RAPGEF4: variants seen among roughly 807,000 people sequenced by gnomAD.
The protein encoded by RAPGEF4 is Rap guanine nucleotide exchange factor 4, also known as RAP guanine-nucleotide-exchange factor (GEF) 4.
A neutral mutation model predicts 147.9 loss-of-function variants in RAPGEF4; 66 were observed. That is an observed-to-expected ratio of 0.45 (90% CI 0.37 to 0.55). The LOEUF is 0.55. RAPGEF4 is among the 20% of genes least tolerant of loss of function. RAPGEF4 has a pLI of 0.00. For synonymous variants in RAPGEF4, 419 were observed against 442.7 expected, an observed-to-expected ratio of 0.95 and a Z score of 0.67; for missense variants, 1,071 against 1,257.3, an observed-to-expected ratio of 0.85 and a Z score of 2.24.
chr2:172,984,803 T>C (rs921324973), intron 11 of RAPGEF4, among the ~76,000 whole-genome samples: 4 of 152,122 alleles, frequency 2.6e-5, no homozygotes, highest in Non-Finnish European at 4.4e-5. Flanking sequence ...TTGAGAGGAT[T>C]GTGGGTAGTC....
At chr2:172,741,852 T>C (rs1451769749) in intron 1 of RAPGEF4, among the ~76,000 whole-genome samples, 1 of 152,118 alleles carries the variant, frequency 6.6e-6, no homozygotes, top group Admixed American at 6.5e-5. Context: ...TAAAAATTTT[T>C]TGTAGAGATG....
intron 26 of RAPGEF4, among the ~76,000 whole-genome samples, 198 bp downstream of exon 26, chr2:173,030,452 A>G (rs1329934535): frequency 2.6e-5 from 4 of 152,202 alleles, no homozygotes; most frequent in Admixed American, 1.3e-4. Context: ...CCTTTTGTGT[A>G]TGGAGAGTGG....
chr2:172,904,233 C>T (rs1699382451), intron 4 of RAPGEF4, among the ~76,000 whole-genome samples: 2 of 152,080 alleles, frequency 1.3e-5, no homozygotes, highest in Admixed American at 1.3e-4. Flanking sequence ...ATTCATCACC[C>T]CTTGAAGACT....
chr2:173,032,556 T>C (rs776391447), intron 26 of RAPGEF4, among the ~76,000 whole-genome samples: 9 of 152,208 alleles, frequency 5.9e-5, no homozygotes, highest in Non-Finnish European at 8.8e-5. Context: ...GTCAATGTTT[T>C]TGCATAACTT....
Position 173,018,744 on chromosome 2 carries a change from T to G in RAPGEF4, c.2097T>G (p.Val699=), listed in dbSNP as rs1193183462. 1.2e-6 allele frequency: 2 copies of G among 1,614,112 alleles called. No individual in the cohort carries two copies. Among genetic ancestry groups the G allele is most frequent in the Non-Finnish European group, 1.7e-6 (2 of 1,180,010 alleles). Residue 699 remains valine (V), a synonymous_variant, in exon 22 of 31, where the codon GTT becomes GTG. Transcript: ENST00000397081. ...CGGTGAAGGAAGTCATCAGTGCAGT[T>G]GCCGACAAGCTGGGCTCCGGGGAGG... The part of the protein sequence containing the change: ...ATSVKEVISA[V]ADKLGSGEGL...
chr2:172,905,316 T>C (rs1264980131), intron 4 of RAPGEF4, among the ~76,000 whole-genome samples: 1 of 152,012 alleles, frequency 6.6e-6, no homozygotes, highest in East Asian at 1.9e-4. Flanking sequence ...CTGGGAGGGG[T>C]CCACCATAAC....
chr2:172,846,719 T>C (rs1362739248), intron 4 of RAPGEF4, among the ~76,000 whole-genome samples: 2 of 152,198 alleles, frequency 1.3e-5, no homozygotes, highest in Non-Finnish European at 2.9e-5. Flanking sequence ...TCCGCTTTAC[T>C]GTAGGAGACA....
chr2:172,895,260 G>T (rs1313329548), intron 4 of RAPGEF4, among the ~76,000 whole-genome samples: 2 of 152,130 alleles, frequency 1.3e-5, no homozygotes, highest in Non-Finnish European at 2.9e-5. Flanking sequence ...TTTTTTGAAA[G>T]GCATGTGGCA....
intron 16 of RAPGEF4, among the ~76,000 whole-genome samples, chr2:172,997,322 T>A (rs1280990447): frequency 1.3e-5 from 2 of 152,188 alleles, no homozygotes; most frequent in South Asian, 2.1e-4. Flanking sequence ...GGTTACCCCT[T>A]TTTATAAGGA....
In RAPGEF4 at chr2:173,018,814, A is replaced by G. The variant is rs1695750011; in HGVS notation, c.2155+12A>G. 12 of 1,611,852 alleles carry G rather than the reference A, an allele frequency of 7.4e-6. No homozygotes were observed. Among genetic ancestry groups the G allele is most frequent in the Non-Finnish European group, 1.0e-5 (12 of 1,179,086 alleles). On this transcript the variant is annotated intron_variant, in intron 22 of 30. Coordinates refer to ENST00000397081, the MANE Select transcript of RAPGEF4 (RefSeq NM_007023.4). Reference sequence around the variant, plus strand: ...GAGTTCCGGAGGAGGTAACAGTCTTAATTCATATTTTAGGCTCTGCAAAAT... The same window carrying G: ...GAGTTCCGGAGGAGGTAACAGTCTTGATTCATATTTTAGGCTCTGCAAAAT...
intron 6 of RAPGEF4, among the ~76,000 whole-genome samples, chr2:172,955,692 A>G (rs969663195): frequency 1.3e-5 from 2 of 152,220 alleles, no homozygotes; most frequent in Non-Finnish European, 2.9e-5. Flanking sequence ...AGGGCCAAAC[A>G]TGGGGCTCTA....
At chr2:172,905,932 G>T (rs1428148064) in intron 4 of RAPGEF4, among the ~76,000 whole-genome samples, 1 of 152,158 alleles carries the variant, frequency 6.6e-6, no homozygotes, top group Non-Finnish European at 1.5e-5. Flanking sequence ...GATCTATTGT[G>T]GGAAAGGCAG....
intron 4 of RAPGEF4, among the ~76,000 whole-genome samples, chr2:172,909,185 A>G (rs902894688): frequency 6.6e-6 from 1 of 152,150 alleles, no homozygotes; most frequent in African/African-American, 2.4e-5. Context: ...GCCTTGTAGA[A>G]GCTTCTCTGG....
At chr2:173,022,649 A>G (rs940068583) in intron 23 of RAPGEF4, among the ~76,000 whole-genome samples, 3 of 152,132 alleles carry the variant, frequency 2.0e-5, no homozygotes, top group Non-Finnish European at 4.4e-5. Context: ...ACACTAAACC[A>G]AGTGCCCCAG....
intron 23 of RAPGEF4, among the ~76,000 whole-genome samples, chr2:173,023,974 C>CT (rs983577878): frequency 5.3e-5 from 8 of 152,198 alleles, no homozygotes; most frequent in African/African-American, 7.2e-5. Context: ...GCTTCCCCAA[C>CT]TTTTTTTACC....
At chr2:172,758,162 TG>T (rs1168363518) in intron 1 of RAPGEF4, among the ~76,000 whole-genome samples, 1 of 152,052 alleles carries the variant, frequency 6.6e-6, no homozygotes, top group Non-Finnish European at 1.5e-5. Context: ...ACCAAGCATA[TG>T]TTTAGGATAA....
intron 4 of RAPGEF4, among the ~76,000 whole-genome samples, chr2:172,908,048 A>G (rs1699786475): frequency 6.6e-6 from 1 of 152,202 alleles, no homozygotes; most frequent in African/African-American, 2.4e-5. Flanking sequence ...AAATGTCTGC[A>G]CACTTTCCGT....
intron 4 of RAPGEF4, among the ~76,000 whole-genome samples, chr2:172,874,062 G>T (rs1437179264): frequency 6.6e-6 from 1 of 152,170 alleles, no homozygotes; most frequent in African/African-American, 2.4e-5. Flanking sequence ...ATGCTGGAGA[G>T]GATGTGGAGA....
At position 172,990,849 on chromosome 2, in the gene RAPGEF4, C is replaced by G. The variant is rs1253321948; in HGVS notation, c.1414C>G (p.Gln472Glu). ...TACAGTCAGACTTAAAGAACATGACCAAGATGTCTTGGTGCTGGAGAAGGT... is the reference window on the plus strand; with the variant it reads ...TACAGTCAGACTTAAAGAACATGACGAAGATGTCTTGGTGCTGGAGAAGGT... The part of the protein sequence containing the change: ...ANTVRLKEHD[Q>E]DVLVLEKVPA... Residue 472 changes from glutamine to glutamate, a missense_variant, in exon 15 of 31, where the codon CAA becomes GAA. Coordinates refer to ENST00000397081, the MANE Select transcript of RAPGEF4 (RefSeq NM_007023.4). 3.1e-6 allele frequency: 5 copies of G among 1,613,862 alleles called. No individual in the cohort carries two copies. The Admixed American group carries it at 8.3e-5, about 27-fold the overall frequency.
Sources: allele counts gnomAD v4.1 joint callset (sites outside exome capture counted in the v4.1 genomes callset), GRCh38; gene constraint gnomAD v4.1.1; transcripts MANE v1.5; gene names NCBI Gene and HGNC (gene_info 2026-07-23, HGNC 2026-07-21).